The following COBL variants were observed in gnomAD, a reference collection of about 807,000 sequenced individuals.
COBL encodes protein cordon-bleu.
A neutral mutation model predicts 98.8 loss-of-function variants in COBL; 51 were observed. The ratio of observed to expected loss-of-function variants is 0.52; its 90% confidence interval spans 0.41 to 0.65. The LOEUF is 0.65. Among genes scored for constraint, COBL ranks in the 30% least tolerant of loss-of-function variants. The pLI is 0.00. For synonymous variants in COBL, 634 were observed against 651.7 expected (o/e 0.97, Z 0.41); for missense variants, 1,617 against 1,617.5 (o/e 1.00, Z 0.01).
chr7:51,166,336 A>T (rs914539263), intron 5 of COBL, among the ~76,000 whole-genome samples: 1 of 152,142 alleles, frequency 6.6e-6, no homozygotes, highest in African/African-American at 2.4e-5. Flanking sequence ...CAATATGCCA[A>T]TAAATTGAAA....
intron 1 of COBL, among the ~76,000 whole-genome samples, chr7:51,250,932 T>A (rs920486478): frequency 6.6e-6 from 1 of 152,200 alleles, no homozygotes; most frequent in East Asian, 1.9e-4. Context: ...CCAATAAACA[T>A]ACCTCTAAGT....
At position 51,247,902 on chromosome 7, in the gene COBL, G is replaced by T. The variant is rs764490045; in HGVS notation, c.42-27958C>A. Among the ~76,000 whole-genome samples the T allele has an allele frequency of 4.6e-5, 7 of 152,158 alleles. No homozygotes were observed. The East Asian group carries it at 1.4e-3, about 29-fold the overall frequency. ...CACTGTAATCCCTGCACTTTGGGAG[G>T]CTGAGGTGGTGGATCACTTGAGGTC... On this transcript the variant is annotated intron_variant, in intron 1 of 12. Coordinates refer to ENST00000265136, the MANE Select transcript of COBL (RefSeq NM_015198.5).
At chr7:51,067,186 A>G (rs1160381990) in intron 7 of COBL, among the ~76,000 whole-genome samples, 1 of 152,238 alleles carries the variant, frequency 6.6e-6, no homozygotes, top group Non-Finnish European at 1.5e-5. Flanking sequence ...CCTTGGCCTC[A>G]TATCTTCACA....
At chr7:51,309,785 A>C (rs1584468852) in intron 1 of COBL, among the ~76,000 whole-genome samples, 2 of 152,228 alleles carry the variant, frequency 1.3e-5, no homozygotes, top group African/African-American at 4.8e-5. Context: ...AAAAGCTTAC[A>C]AAGTAATAGT....
chr7:51,114,973 CCAT>C (rs1362712670), intron 6 of COBL, among the ~76,000 whole-genome samples: 1 of 152,158 alleles, frequency 6.6e-6, no homozygotes, highest in Non-Finnish European at 1.5e-5. Context: ...ACTGCAATTA[CCAT>C]CACCACCACA....
chr7:51,097,942 T>C (rs939679404), intron 6 of COBL, among the ~76,000 whole-genome samples: 13 of 147,430 alleles, frequency 8.8e-5, no homozygotes, highest in African/African-American at 3.3e-4. Flanking sequence ...GAGAATGGCA[T>C]GAACCCGGCA....
chr7:51,195,722 C>G (rs1226979751), intron 2 of COBL, among the ~76,000 whole-genome samples: 1 of 152,050 alleles, frequency 6.6e-6, no homozygotes, highest in East Asian at 1.9e-4. Context: ...CGCTGGTTAG[C>G]TTCATTCCTA....
At chr7:51,227,127 G>A (rs1017440542) in intron 1 of COBL, among the ~76,000 whole-genome samples, 1 of 152,192 alleles carries the variant, frequency 6.6e-6, no homozygotes, top group Non-Finnish European at 1.5e-5. Context: ...TGCAGTGCCG[G>A]CTGATGAGCG....
intron 8 of COBL, chr7:51,031,133 G>T: frequency 1.8e-6 from 1 of 547,560 alleles, no homozygotes; most frequent in Non-Finnish European, 3.2e-6. Flanking sequence ...TGTAGCGTGT[G>T]TGCATGTGTG....
chr7:51,019,158 G>A (rs1290979690), intron 12 of COBL, among the ~76,000 whole-genome samples: 1 of 151,364 alleles, frequency 6.6e-6, no homozygotes. Context: ...CAGTCTGAAT[G>A]CTTGTGTGCT....
chr7:51,116,350 T>G (rs150820239), intron 6 of COBL, among the ~76,000 whole-genome samples: 1 of 152,290 alleles, frequency 6.6e-6, no homozygotes, highest in African/African-American at 2.4e-5. Flanking sequence ...TTCCAACAAT[T>G]ATAATATGTG....
At position 51,083,133 on chromosome 7, in the gene COBL, C is replaced by T. The variant is rs200114771; in HGVS notation, c.1096+2033G>A. On this transcript the variant is annotated intron_variant, in intron 7 of 12. Transcript: ENST00000265136. ...CTGAGAGGCTCCACCACGTCTGTGT[C>T]GGGAGGAGGGTAGGGCGGGGGTGGG... 6.8e-3 allele frequency: 3,727 copies of T among 549,098 alleles called. 7 individuals are homozygous for T. Among genetic ancestry groups the T allele is most frequent in the Middle Eastern group, 0.022 (68 of 3,150 alleles). The allele number at this position is 549,098 out of a possible 1,614,324, so 34.0% of individuals were successfully genotyped here.
intron 7 of COBL, among the ~76,000 whole-genome samples, chr7:51,060,292 G>A (rs1791199726): frequency 6.6e-6 from 1 of 152,226 alleles, no homozygotes; most frequent in Non-Finnish European, 1.5e-5. Context: ...CTTACAGAAT[G>A]TAAGTTCTGC....
At chr7:51,106,548 T>C (rs943080340) in intron 6 of COBL, among the ~76,000 whole-genome samples, 6 of 152,220 alleles carry the variant, frequency 3.9e-5, no homozygotes, top group African/African-American at 4.8e-5. Flanking sequence ...ACCCAAGGTA[T>C]AGGAAGTTTT....
chr7:51,050,999 T>C (rs1261181899), intron 7 of COBL, among the ~76,000 whole-genome samples: 3 of 152,230 alleles, frequency 2.0e-5, no homozygotes, highest in East Asian at 3.9e-4. Context: ...CAGCTACATA[T>C]ATGTCTTTCC....
At position 51,148,362 on chromosome 7, in the gene COBL, T is replaced by C. The variant is rs1348853338; in HGVS notation, c.784-12031A>G. ...TCCTGTTAGATTCTCTTTTGGTTGG[T>C]TTCTAAGGTACAACTCTACTGGCTT... On this transcript the variant is annotated intron_variant, in intron 5 of 12. Coordinates refer to ENST00000265136, the MANE Select transcript of COBL (RefSeq NM_015198.5). 4.6e-5 allele frequency among the ~76,000 whole-genome samples: 7 copies of C among 152,098 alleles called. No homozygotes were observed. The East Asian group carries it at 9.7e-4, about 21-fold the overall frequency.
intron 7 of COBL, among the ~76,000 whole-genome samples, chr7:51,046,072 GC>G (rs1789660506): frequency 6.6e-6 from 1 of 150,376 alleles, no homozygotes; most frequent in African/African-American, 2.5e-5. Context: ...GGGTGGGGGG[GC>G]CTGCTCTCAG....
At chr7:51,106,713 C>G (rs1796305345) in intron 6 of COBL, among the ~76,000 whole-genome samples, 1 of 152,140 alleles carries the variant, frequency 6.6e-6, no homozygotes, top group African/African-American at 2.4e-5. Flanking sequence ...TCTTGATGTT[C>G]CACTTGGTAA....
At chr7:51,250,010 G>T (rs12719043) in intron 1 of COBL, among the ~76,000 whole-genome samples, 1 of 151,882 alleles carries the variant, frequency 6.6e-6, no homozygotes, top group African/African-American at 2.4e-5. Context: ...GCTGAGGCAG[G>T]AGAATTACTA....
Sources: gnomAD v4.1 joint callset for allele counts (sites outside exome capture counted in the v4.1 genomes callset) on GRCh38, gnomAD v4.1.1 for gene constraint, MANE v1.5 for transcripts, NCBI Gene and HGNC (gene_info 2026-07-23, HGNC 2026-07-21) for gene names.